The following NDUFA8 variants were observed in gnomAD, a reference collection of about 807,000 sequenced individuals.
NDUFA8 encodes NADH dehydrogenase [ubiquinone] 1 alpha subcomplex subunit 8.
In NDUFA8, 16 loss-of-function variants were observed where a neutral mutation model predicts 20.9. The observed-to-expected ratio is 0.77, with a 90% CI of 0.52 to 1.16. NDUFA8 has a LOEUF of 1.16. NDUFA8 is among the 50% of genes most tolerant of loss of function. The pLI, the probability that NDUFA8 is intolerant of heterozygous loss-of-function variation, is 0.00. For synonymous variants in NDUFA8, 70 were observed against 76.1 expected (o/e 0.92, Z 0.41); for missense variants, 202 against 216.4 (o/e 0.93, Z 0.42).
At chr9:122,138,830 G>A in the NDUFA8 span, among the ~76,000 whole-genome samples, 1 of 130,070 alleles carries the variant, frequency 7.7e-6, no homozygotes, top group African/African-American at 2.9e-5. Flanking sequence ...CAAAATGTGA[G>A]CTGAATCTCC....
the NDUFA8 span, among the ~76,000 whole-genome samples, chr9:122,138,873 G>T: frequency 7.1e-6 from 1 of 140,392 alleles, no homozygotes; most frequent in Non-Finnish European, 1.6e-5. Flanking sequence ...GGTGGGGGGG[G>T]GGCCATCTGA....
At chr9:122,138,517 G>A in the NDUFA8 span, among the ~76,000 whole-genome samples, 4 of 151,988 alleles carry the variant, frequency 2.6e-5, no homozygotes, top group Non-Finnish European at 4.4e-5. Context: ...CCCGGGCCTC[G>A]TTTTGCATAG....
chr9:122,141,853 A>C (rs939839792), downstream of NDUFA8, among the ~76,000 whole-genome samples: 9 of 152,170 alleles, frequency 5.9e-5, no homozygotes, highest in African/African-American at 1.9e-4. Flanking sequence ...TCCCATCGCG[A>C]GTACAGGAAA....
At chr9:122,154,809 G>A (rs552784093) in intron 1 of NDUFA8, among the ~76,000 whole-genome samples, 202 of 152,204 alleles carry the variant, frequency 1.3e-3, no homozygotes, top group African/African-American at 4.7e-3. Flanking sequence ...TAGTTGTTTG[G>A]ATATTCCTTG....
At chr9:122,137,412 T>C in the NDUFA8 span, among the ~76,000 whole-genome samples, 2 of 151,992 alleles carry the variant, frequency 1.3e-5, no homozygotes, top group African/African-American at 4.8e-5. Context: ...CGGCTAATTT[T>C]GTATTTTTAG....
chr9:122,157,725 C>T (rs1004983504), intron 1 of NDUFA8, among the ~76,000 whole-genome samples: 1 of 152,240 alleles, frequency 6.6e-6, no homozygotes, highest in African/African-American at 2.4e-5. Flanking sequence ...GGCAGCTCCC[C>T]TCTGCCACCT....
chr9:122,152,181 G>T, intron 2 of NDUFA8, 64 bp downstream of exon 2: 1 of 1,569,976 alleles, frequency 6.4e-7, no homozygotes, highest in Non-Finnish European at 8.8e-7. Context: ...TTAGCTGGCT[G>T]TTCACTTATT....
chr9:122,148,051 C>T (rs1828931876), intron 3 of NDUFA8, 61 bp downstream of exon 3: 1 of 1,604,876 alleles, frequency 6.2e-7, no homozygotes, highest in African/African-American at 1.3e-5. Context: ...TTGCTGACCA[C>T]CTCCTGCCTT....
In NDUFA8 at chr9:122,159,541, G is replaced by T. The variant is rs1242396215; in HGVS notation, c.51+86C>A. On this transcript the variant is annotated intron_variant, in intron 1 of 3. Transcript: ENST00000373768. ...CTGGGGAGGGGGGCCCGGGTCCCAG[G>T]ATCCGCGGAGCCCAAGGGGGGCTAG... is the stretch of plus-strand genomic sequence containing the variant. 1.8e-5 allele frequency: 28 copies of T among 1,542,238 alleles called. No individual in the cohort carries two copies. The East Asian group carries it at 5.8e-4, about 32-fold the overall frequency.
chr9:122,150,886 C>T lies in NDUFA8; in HGVS notation c.215+1359G>A, dbSNP rs1423871170. 2.7e-5 allele frequency among the ~76,000 whole-genome samples: 4 copies of T among 146,842 alleles called. No individual in the cohort carries two copies. The Admixed American group carries it at 2.8e-4, about 10-fold the overall frequency. ...ATTCAGGAGGCTGAGACATGTGACTCGCTTGAAGCCAGGAGGCAGAGGTTG... is the reference window on the plus strand; with the variant it reads ...ATTCAGGAGGCTGAGACATGTGACTTGCTTGAAGCCAGGAGGCAGAGGTTG... On this transcript the variant is annotated intron_variant, in intron 2 of 3. Transcript: ENST00000373768.
chr9:122,142,452 G>A (rs1466458162), downstream of NDUFA8, among the ~76,000 whole-genome samples: 1 of 152,124 alleles, frequency 6.6e-6, no homozygotes, highest in African/African-American at 2.4e-5. Flanking sequence ...GAATCTCTGC[G>A]GGTAGGATCC....
At chr9:122,148,381 TG>T in intron 2 of NDUFA8, 104 bp from the exon 3 acceptor site, 1 of 1,317,872 alleles carries the variant, frequency 7.6e-7, no homozygotes, top group Non-Finnish European at 1.1e-6. Flanking sequence ...CCTTGCTTTT[TG>T]AAAGGTATGT....
chr9:122,138,718 G>A, the NDUFA8 span, among the ~76,000 whole-genome samples: 2 of 151,816 alleles, frequency 1.3e-5, no homozygotes, highest in African/African-American at 2.4e-5. Context: ...CTCTCAAGGA[G>A]TGTTATACAA....
At chr9:122,153,451 A>T (rs971609257) in intron 1 of NDUFA8, among the ~76,000 whole-genome samples, 1 of 140,254 alleles carries the variant, frequency 7.1e-6, no homozygotes, top group Non-Finnish European at 1.6e-5. Flanking sequence ...AAATCTGCAA[A>T]TTTTTTAAAA....
the NDUFA8 span, among the ~76,000 whole-genome samples, chr9:122,136,772 G>A: frequency 0.18 from 27,250 of 152,096 alleles, 4,002 homozygotes; most frequent in African/African-American, 0.41. Context: ...GCCCAGGCTG[G>A]TCTCAAACTC....
chr9:122,152,446 GA>G, intron 1 of NDUFA8, 38 bp from the exon 2 acceptor site: 1 of 1,604,396 alleles, frequency 6.2e-7, no homozygotes, highest in Non-Finnish European at 8.5e-7. Flanking sequence ...CACAGACTGT[GA>G]ACCAGAATAC....
intron 1 of NDUFA8, among the ~76,000 whole-genome samples, chr9:122,157,673 G>C (rs935262692): frequency 6.6e-6 from 1 of 151,986 alleles, no homozygotes; most frequent in Admixed American, 6.6e-5. Flanking sequence ...GTGGGGGCAG[G>C]GGGGTGGTTC....
chr9:122,144,133 A>T lies in NDUFA8; in HGVS notation c.*108T>A. 1.3e-6 allele frequency: 2 copies of T among 1,583,292 alleles called. No individual in the cohort carries two copies. Among genetic ancestry groups the T allele is most frequent in the Admixed American group, 1.8e-5 (1 of 55,622 alleles). ...GTCACATAAGTTAACTTTTTTGTTA[A>T]TGTTTGTGATCCCGGAAAGAACACA... is the stretch of plus-strand genomic sequence containing the variant. On this transcript the variant is annotated 3_prime_UTR_variant, in exon 4 of 4. Transcript: ENST00000373768.
At position 122,144,157 on chromosome 9, in the gene NDUFA8, C is replaced by T. The variant is rs1828862109; in HGVS notation, c.*84G>A. 1.9e-6 allele frequency: 3 copies of T among 1,609,170 alleles called. No homozygotes were observed. Among genetic ancestry groups the T allele is most frequent in the South Asian group, 1.1e-5 (1 of 90,224 alleles). ...AATGTTTGTGATCCCGGAAAGAACA[C>T]ACTATCAGTCGATGCAAACCGCATG... On this transcript the variant is annotated 3_prime_UTR_variant, in exon 4 of 4. Coordinates refer to ENST00000373768, the MANE Select transcript of NDUFA8 (RefSeq NM_014222.3).
Sources: gnomAD v4.1 joint callset for allele counts (sites outside exome capture counted in the v4.1 genomes callset) on GRCh38, gnomAD v4.1.1 for gene constraint, MANE v1.5 for transcripts, NCBI Gene and HGNC (gene_info 2026-07-23, HGNC 2026-07-21) for gene names.